MYO9A: variants seen among roughly 807,000 people sequenced by gnomAD.
MYO9A encodes unconventional myosin-IXa.
A neutral mutation model predicts 293.3 loss-of-function variants in MYO9A; 103 were observed. That is an observed-to-expected ratio of 0.35 (90% confidence interval 0.30 to 0.41). The LOEUF (loss-of-function observed/expected upper bound fraction) is 0.41. Ranked by LOEUF, MYO9A falls within the 10% of genes least tolerant of loss-of-function variation. MYO9A has a pLI of 1.00. For synonymous variants in MYO9A, 1,001 were observed against 1,035.7 expected (o/e 0.97, Z 0.64); for missense variants, 2,685 against 3,033.0 (o/e 0.89, Z 2.69).
intron 25 of MYO9A, 71 bp from the exon 26 acceptor site, chr15:71,893,849 C>A: frequency 8.8e-7 from 1 of 1,142,348 alleles, no homozygotes; most frequent in Non-Finnish European, 1.3e-6. Flanking sequence ...TTAAAGACTT[C>A]CAGCAAATTC....
At chr15:72,015,102 C>T (rs1296428460) in intron 6 of MYO9A, among the ~76,000 whole-genome samples, 3 of 151,742 alleles carry the variant, frequency 2.0e-5, no homozygotes, top group African/African-American at 7.3e-5. Context: ...ACCCACTTCC[C>T]AAAGTGCTGG....
At chr15:71,910,142 ACGTGTGTGTG>A (rs1459812539) in intron 19 of MYO9A, among the ~76,000 whole-genome samples, 2 of 131,866 alleles carry the variant, frequency 1.5e-5, no homozygotes, top group African/African-American at 5.5e-5. Flanking sequence ...ATATATATAT[ACGTGTGTGTG>A]TATATATATA....
chr15:71,855,243 C>T (rs534045407), intron 34 of MYO9A, among the ~76,000 whole-genome samples: 4 of 152,218 alleles, frequency 2.6e-5, no homozygotes, highest in Non-Finnish European at 5.9e-5. Context: ...TCAAGCGATT[C>T]TCGTGCCTCA....
intron 19 of MYO9A, among the ~76,000 whole-genome samples, chr15:71,913,641 G>A (rs1198772256): frequency 1.3e-5 from 2 of 151,634 alleles, no homozygotes; most frequent in Admixed American, 1.3e-4. Flanking sequence ...TGCCTGCCTT[G>A]TAATTTCTCA....
Position 71,825,562 on chromosome 15 carries a change from G to T in MYO9A, c.*1018C>A, listed in dbSNP as rs770395384. On this transcript the variant is annotated 3_prime_UTR_variant, in exon 42 of 42. Coordinates refer to ENST00000356056, the MANE Select transcript of MYO9A (RefSeq NM_006901.4). ...CTTACTTACTTATTCATGCAATATTGTATGTGAATGTTTTTGGAAACTAAC... is the reference window on the plus strand; with the variant it reads ...CTTACTTACTTATTCATGCAATATTTTATGTGAATGTTTTTGGAAACTAAC... The T allele has an allele frequency of 6.6e-6, 1 of 152,104 alleles. No homozygotes were observed. Among genetic ancestry groups the T allele is most frequent in the Non-Finnish European group, 1.5e-5 (1 of 68,016 alleles). The allele number at this position is 152,104 out of a possible 1,614,324, so 9.4% of individuals were successfully genotyped here. A position where few individuals can be genotyped will look rare whatever the true frequency, so the allele number is the denominator to read the frequency against.
intron 20 of MYO9A, 37 bp downstream of exon 20, chr15:71,904,889 G>T: frequency 6.8e-7 from 1 of 1,460,390 alleles, no homozygotes; most frequent in Non-Finnish European, 9.5e-7. Flanking sequence ...TTTGAAGTAA[G>T]CTGAGATATG....
intron 18 of MYO9A, among the ~76,000 whole-genome samples, chr15:71,924,184 C>T (rs920246197): frequency 6.6e-6 from 1 of 151,510 alleles, no homozygotes; most frequent in African/African-American, 2.4e-5. Flanking sequence ...TAGTTTAATC[C>T]CTTGTCACAA....
intron 1 of MYO9A, among the ~76,000 whole-genome samples, chr15:72,070,542 C>T (rs908179929): frequency 4.6e-5 from 7 of 151,900 alleles, no homozygotes; most frequent in African/African-American, 7.3e-5. Flanking sequence ...TTTTGGAGGC[C>T]TTGTTGACAA....
At chr15:72,061,697 A>C (rs562128673) in intron 1 of MYO9A, among the ~76,000 whole-genome samples, 3 of 151,956 alleles carry the variant, frequency 2.0e-5, no homozygotes, top group African/African-American at 7.2e-5. Flanking sequence ...GGAGATTCCT[A>C]AAGTTCCCAA....
intron 13 of MYO9A, among the ~76,000 whole-genome samples, chr15:71,966,423 C>CT (rs1224172116): frequency 6.6e-6 from 1 of 152,016 alleles, no homozygotes; most frequent in Non-Finnish European, 1.5e-5. Context: ...AATCTAAACA[C>CT]TTTATTTGTG....
chr15:72,044,170 G>C (rs536013822), intron 2 of MYO9A, among the ~76,000 whole-genome samples: 1 of 152,174 alleles, frequency 6.6e-6, no homozygotes, highest in East Asian at 1.9e-4. Flanking sequence ...ACTTTGGGAA[G>C]CCAAGGCAGG....
chr15:72,099,299 G>A (rs760764864), intron 1 of MYO9A, among the ~76,000 whole-genome samples: 3 of 151,890 alleles, frequency 2.0e-5, no homozygotes, highest in Non-Finnish European at 2.9e-5. Flanking sequence ...AGTCAGCTAG[G>A]TGTAGTGGTG....
intron 1 of MYO9A, among the ~76,000 whole-genome samples, chr15:72,100,530 G>A (rs2080241698): frequency 6.8e-6 from 1 of 146,238 alleles, no homozygotes; most frequent in East Asian, 2.0e-4. Context: ...CCTCTTTCCG[G>A]CCGCCATCAC....
At chr15:71,988,995 G>A (rs1027933908) in intron 11 of MYO9A, among the ~76,000 whole-genome samples, 9 of 152,010 alleles carry the variant, frequency 5.9e-5, no homozygotes, top group Admixed American at 2.0e-4. Flanking sequence ...CCCACATTCA[G>A]GTGATTCTCC....
chr15:72,014,669 G>A lies in MYO9A; in HGVS notation c.1156-4222C>T, dbSNP rs531403731. 8.6e-5 allele frequency among the ~76,000 whole-genome samples: 13 copies of A among 150,778 alleles called. No individual in the cohort carries two copies. In the East Asian group the frequency reaches 2.5e-3, roughly 29 times the overall value. Reference sequence around the variant, plus strand: ...CCACTGTGCTCCAGCCTAGGTGACAGAGCGAGATACCATGAAAGAAAGAAA... The same window carrying A: ...CCACTGTGCTCCAGCCTAGGTGACAAAGCGAGATACCATGAAAGAAAGAAA... On this transcript the variant is annotated intron_variant, in intron 6 of 41. Coordinates refer to ENST00000356056, the MANE Select transcript of MYO9A (RefSeq NM_006901.4).
intron 32 of MYO9A, among the ~76,000 whole-genome samples, chr15:71,873,073 T>C (rs1272173420): frequency 6.6e-6 from 1 of 151,862 alleles, no homozygotes; most frequent in East Asian, 1.9e-4. Flanking sequence ...TCACCACACC[T>C]GGCTAATTTT....
At chr15:72,076,355 T>C (rs887158740) in intron 1 of MYO9A, among the ~76,000 whole-genome samples, 1 of 151,452 alleles carries the variant, frequency 6.6e-6, no homozygotes, top group East Asian at 1.9e-4. Flanking sequence ...ACTTTATATA[T>C]GGAGGATCCA....
chr15:71,825,192 A>AAGTAT lies in MYO9A; in HGVS notation c.*1387_*1388insATACT, dbSNP rs2054424051. Reference sequence around the variant, plus strand: ...ATGCTAAGATACTTAAAATGCTATTATAACTCATGTGTATGAAGACCACCC... The same window carrying AAGTAT: ...ATGCTAAGATACTTAAAATGCTATTAAGTATTAACTCATGTGTATGAAGACCACCC... On this transcript the variant is annotated 3_prime_UTR_variant, in exon 42 of 42. Transcript: ENST00000356056. 6.6e-6 allele frequency: 1 copy of AAGTAT among 152,238 alleles called. No homozygotes were observed. Among genetic ancestry groups the AAGTAT allele is most frequent in the African/African-American group, 2.4e-5 (1 of 41,446 alleles). The allele number at this position is 152,238 out of a possible 1,614,324, so 9.4% of individuals were successfully genotyped here. A position where few individuals can be genotyped will look rare whatever the true frequency, so the allele number is the denominator to read the frequency against.
chr15:71,935,294 A>C (rs774289440), intron 17 of MYO9A, 47 bp downstream of exon 17: 5 of 1,513,398 alleles, frequency 3.3e-6, no homozygotes, highest in Non-Finnish European at 4.5e-6. Context: ...TAAACCAGAC[A>C]AAAAACAAAA....
Sources: allele counts gnomAD v4.1 joint callset (sites outside exome capture counted in the v4.1 genomes callset), GRCh38; gene constraint gnomAD v4.1.1; transcripts MANE v1.5; gene names NCBI Gene and HGNC (gene_info 2026-07-23, HGNC 2026-07-21).